Variants in ACADL observed in about 807,000 individuals in gnomAD.
ACADL encodes long-chain specific acyl-CoA dehydrogenase, mitochondrial.
Under a neutral mutation model 56.9 loss-of-function variants are expected in ACADL, and 60 were observed. The observed-to-expected ratio is 1.05, with a 90% CI of 0.86 to 1.31. The LOEUF is 1.31. ACADL is among the 50% of genes most tolerant of loss of function. ACADL has a pLI of 0.00. For synonymous variants in ACADL, 158 were observed against 179.7 expected, an observed-to-expected ratio of 0.88 and a Z score of 0.97; for missense variants, 484 against 525.5, an observed-to-expected ratio of 0.92 and a Z score of 0.77.
chr2:210,208,882 T>TA (rs1688934191), intron 5 of ACADL, among the ~76,000 whole-genome samples: 1 of 152,330 alleles, frequency 6.6e-6, no homozygotes, highest in South Asian at 2.1e-4. Context: ...CTATTTCTAA[T>TA]AGAGTTTTTG....
chr2:210,195,077 TAAAGTGG>T, intron 9 of ACADL, 127 bp downstream of exon 9: 1 of 1,149,654 alleles, frequency 8.7e-7, no homozygotes, highest in Admixed American at 2.2e-5. Flanking sequence ...CATTTTTTTT[TAAAGTGG>T]AGTCTCACTT....
In ACADL at chr2:210,220,754, T is replaced by G. The variant is rs1689163506; in HGVS notation, c.126A>C (p.Lys42Asn). The G allele has an allele frequency of 1.2e-6, 2 of 1,612,148 alleles. No individual in the cohort carries two copies. The highest frequency in any genetic ancestry group is 1.7e-6 in the Non-Finnish European group (2 of 1,178,972). Residue 42 changes from lysine to asparagine, a missense_variant, in exon 2 of 11, where the codon AAA (lysine) becomes AAC (asparagine). By Grantham distance (94) the Lys-to-Asn change is moderately conservative (BLOSUM62 0). Coordinates refer to ENST00000233710, the MANE Select transcript of ACADL (RefSeq NM_001608.4). ...GEERLETPSAKKLTDIGIRRI... is the reference protein window; with the variant it reads ...GEERLETPSANKLTDIGIRRI... ...TTCGAATTCCTATATCTGTTAATTT[T>G]TTAGCAGAAGGAGTTTCTAGACGTT... is the stretch of plus-strand genomic sequence containing the variant.
At chr2:210,194,172 A>AT (rs1159425395) in intron 9 of ACADL, among the ~76,000 whole-genome samples, 2 of 152,062 alleles carry the variant, frequency 1.3e-5, no homozygotes, top group African/African-American at 4.8e-5. Flanking sequence ...AAATATGTAA[A>AT]TTTTTTTTAC....
intron 10 of ACADL, among the ~76,000 whole-genome samples, chr2:210,189,647 A>G (rs534518989): frequency 2.0e-5 from 3 of 152,126 alleles, no homozygotes; most frequent in East Asian, 3.9e-4. Flanking sequence ...GTCCATTGCT[A>G]TACCCACACC....
At chr2:210,209,021 A>G (rs1205416908) in intron 5 of ACADL, among the ~76,000 whole-genome samples, 1 of 151,902 alleles carries the variant, frequency 6.6e-6, no homozygotes, top group Non-Finnish European at 1.5e-5. Flanking sequence ...CAAATATCCC[A>G]CTCCCCTTTC....
At chr2:210,210,004 T>G (rs1349390861) in intron 5 of ACADL, 192 bp downstream of exon 5, 7 of 534,870 alleles carry the variant, frequency 1.3e-5, no homozygotes, top group Admixed American at 3.2e-5. Flanking sequence ...GCATGCAAAA[T>G]GAAATATAGA....
At chr2:210,221,286 G>A (rs761669917) in intron 1 of ACADL, among the ~76,000 whole-genome samples, 1 of 152,112 alleles carries the variant, frequency 6.6e-6, no homozygotes, top group Non-Finnish European at 1.5e-5. Flanking sequence ...TGATGTAATC[G>A]CCACATTACA....
intron 5 of ACADL, among the ~76,000 whole-genome samples, chr2:210,208,665 G>T (rs1303723537): frequency 6.6e-6 from 1 of 152,120 alleles, no homozygotes; most frequent in Non-Finnish European, 1.5e-5. Context: ...AACTATCATT[G>T]ATAATTTCCT....
In ACADL at chr2:210,192,885, G is replaced by T. The variant is rs766903314; in HGVS notation, c.1118C>A (p.Ser373Tyr). The T allele has an allele frequency of 2.5e-6, 4 of 1,613,520 alleles. No individual in the cohort carries two copies. Among genetic ancestry groups the T allele is most frequent in the East Asian group, 2.2e-5 (1 of 44,806 alleles). ...ATACMAKYWA[S>Y]ELQNSVAYDC... ...GTAAGCTACACTATTTTGTAACTCA[G>T]ATGCCCTAAATGACCAAAATAAAAG... Residue 373 changes from serine (S) to tyrosine (Y), a missense_variant, in exon 10 of 11, where the codon TCT becomes TAT. Coordinates refer to ENST00000233710, the MANE Select transcript of ACADL (RefSeq NM_001608.4).
chr2:210,192,814 G>T lies in ACADL; in HGVS notation c.1189C>A (p.Pro397Thr). The T allele has an allele frequency of 6.2e-7, 1 of 1,612,546 alleles. No individual in the cohort carries two copies. Among genetic ancestry groups the T allele is most frequent in the Non-Finnish European group, 8.5e-7 (1 of 1,178,842 alleles). Reference protein sequence around the residue: ...HGGWGYMWEYPIAKAYVDARV... With the variant: ...HGGWGYMWEYTIAKAYVDARV... ...GAAAACTATACTTACTTTGCAATTG[G>T]GTACTCCCACATGTATCCCCAACCT... Residue 397 changes from proline to threonine, a missense_variant, in exon 10 of 11, where the codon CCA (proline) becomes ACA (threonine). By Grantham distance (38) the Pro-to-Thr change is conservative. Coordinates refer to ENST00000233710, the MANE Select transcript of ACADL (RefSeq NM_001608.4).
intron 1 of ACADL, among the ~76,000 whole-genome samples, chr2:210,221,927 A>G (rs1689182083): frequency 6.6e-6 from 1 of 151,806 alleles, no homozygotes; most frequent in African/African-American, 2.4e-5. Flanking sequence ...ACGGGGTTTC[A>G]CCATGTTGAC....
intron 8 of ACADL, among the ~76,000 whole-genome samples, chr2:210,200,555 C>T (rs1465557165): frequency 6.6e-6 from 1 of 152,148 alleles, no homozygotes; most frequent in African/African-American, 2.4e-5. Flanking sequence ...TAAAGTATAA[C>T]ATCCTTGCTC....
Position 210,188,906 on chromosome 2 carries a change from G to T in ACADL, c.*55C>A. ...CGCTTTCCAAGTTACATTTTATCTT[G>T]AGCAGATTTAAAACGAGATTAGCTG... On this transcript the variant is annotated 3_prime_UTR_variant, in exon 11 of 11. Coordinates refer to ENST00000233710, the MANE Select transcript of ACADL (RefSeq NM_001608.4). 2 of 1,250,008 alleles carry T rather than the reference G, an allele frequency of 1.6e-6. No homozygotes were observed. Among genetic ancestry groups the T allele is most frequent in the South Asian group, 1.2e-5 (1 of 83,676 alleles). 77.4% of individuals were successfully genotyped at this position (1,250,008 alleles called of 1,614,324 possible).
intron 1 of ACADL, chr2:210,224,721 C>T (rs1689237440): frequency 2.0e-6 from 2 of 987,566 alleles, no homozygotes; most frequent in African/African-American, 1.7e-5. Context: ...AGTCCGGGTC[C>T]CAAGTTCACT....
At chr2:210,216,855 G>C (rs547162486) in intron 3 of ACADL, 1 of 159,468 alleles carries the variant, frequency 6.3e-6, no homozygotes, top group Admixed American at 6.4e-5. Context: ...TAATAAGACG[G>C]AGTCTTGGTA....
At chr2:210,215,649 A>G (rs1228810879) in intron 4 of ACADL, among the ~76,000 whole-genome samples, 1 of 151,982 alleles carries the variant, frequency 6.6e-6, no homozygotes, top group African/African-American at 2.4e-5. Flanking sequence ...CATTTGTCAA[A>G]TCTCAGTTTA....
At chr2:210,190,791 GTAGTT>G (rs1201848354) in intron 10 of ACADL, among the ~76,000 whole-genome samples, 1 of 152,058 alleles carries the variant, frequency 6.6e-6, no homozygotes, top group East Asian at 1.9e-4. Context: ...ATAAACTAAT[GTAGTT>G]TAGTCTGGGG....
At chr2:210,196,154 C>A (rs1339552430) in intron 8 of ACADL, among the ~76,000 whole-genome samples, 1 of 152,134 alleles carries the variant, frequency 6.6e-6, no homozygotes, top group Non-Finnish European at 1.5e-5. Context: ...TTCCCCTGCA[C>A]ACGCTGTTTT....
rs997902253 is a variant in ACADL, at chr2:210,188,564, T to C, written c.*397A>G. 1 of 180,712 alleles carries C rather than the reference T, an allele frequency of 5.5e-6. No homozygotes were observed. Among genetic ancestry groups the C allele is most frequent in the African/African-American group, 2.4e-5 (1 of 41,672 alleles). 11.2% of individuals were successfully genotyped at this position (180,712 alleles called of 1,614,324 possible). A position where few individuals can be genotyped will look rare whatever the true frequency, so the allele number is the denominator to read the frequency against. ...CGAAATGAGTTTACATGCTAAGTTA[T>C]ATTTACTTTTCCCTTTAAAAGTCAA... On this transcript the variant is annotated 3_prime_UTR_variant, in exon 11 of 11. Coordinates refer to ENST00000233710, the MANE Select transcript of ACADL (RefSeq NM_001608.4).
Sources: gnomAD v4.1 joint callset for allele counts (sites outside exome capture counted in the v4.1 genomes callset) on GRCh38, gnomAD v4.1.1 for gene constraint, MANE v1.5 for transcripts, NCBI Gene and HGNC (gene_info 2026-07-23, HGNC 2026-07-21) for gene names.